The following MBD5 variants were observed in gnomAD, a reference collection of about 807,000 sequenced individuals.
MBD5 encodes the protein methyl-CpG binding domain protein 5.
In MBD5, 13 loss-of-function variants were observed where a neutral mutation model predicts 117.3. The ratio of observed to expected loss-of-function variants is 0.11; its 90% CI spans 0.07 to 0.18. The LOEUF is 0.18. Ranked by LOEUF, MBD5 falls within the 10% of genes least tolerant of loss-of-function variation. The pLI, the probability that MBD5 is intolerant of heterozygous loss-of-function variation, is 1.00. For missense variants in MBD5, 1,879 were observed against 2,093.8 expected (o/e 0.90, Z 2.00); for synonymous variants, 727 against 766.4 (o/e 0.95, Z 0.85).
At chr2:148,241,739 A>G (rs927494344) in intron 3 of MBD5, among the ~76,000 whole-genome samples, 5 of 152,178 alleles carry the variant, frequency 3.3e-5, no homozygotes, top group African/African-American at 1.2e-4. Flanking sequence ...AGAGCCATAT[A>G]AACGTAGAAT....
chr2:148,123,411 G>A (rs1437679474), intron 1 of MBD5, among the ~76,000 whole-genome samples: 2 of 152,170 alleles, frequency 1.3e-5, no homozygotes, highest in African/African-American at 4.8e-5. Flanking sequence ...CAATGGTGGT[G>A]TAAATTTAAC....
intron 2 of MBD5, among the ~76,000 whole-genome samples, chr2:148,209,761 G>A (rs1449448609): frequency 4.6e-5 from 7 of 152,020 alleles, no homozygotes; most frequent in Admixed American, 2.0e-4. Context: ...GGCAAAGCAT[G>A]TCACATGGTG....
chr2:148,501,431 C>T (rs1295279885), intron 11 of MBD5, among the ~76,000 whole-genome samples: 2 of 152,048 alleles, frequency 1.3e-5, no homozygotes, highest in African/African-American at 2.4e-5. Context: ...GGCTTTTGCC[C>T]CAACTGAATA....
At chr2:148,241,618 C>T (rs116017932) in intron 3 of MBD5, among the ~76,000 whole-genome samples, 1,718 of 152,156 alleles carry the variant, frequency 0.011, 14 homozygotes, top group East Asian at 0.034. Flanking sequence ...CCCTGACCCT[C>T]GATTTTCAGC....
intron 4 of MBD5, among the ~76,000 whole-genome samples, chr2:148,430,519 G>A (rs1288258812): frequency 6.6e-6 from 1 of 151,966 alleles, no homozygotes; most frequent in East Asian, 1.9e-4. Flanking sequence ...TTTAGATCTT[G>A]TATATCTTCA....
intron 4 of MBD5, among the ~76,000 whole-genome samples, chr2:148,436,791 A>G (rs1309344142): frequency 2.0e-5 from 3 of 151,990 alleles, no homozygotes; most frequent in Non-Finnish European, 4.4e-5. Flanking sequence ...TATTTTAAAT[A>G]TATTAAATAT....
intron 1 of MBD5, among the ~76,000 whole-genome samples, chr2:148,118,661 A>G (rs899755026): frequency 2.5e-4 from 38 of 152,038 alleles, no homozygotes; most frequent in Non-Finnish European, 5.0e-4. Flanking sequence ...CTCTGTATCC[A>G]TTAGTGATCA....
chr2:148,282,895 A>ACC, intron 3 of MBD5, among the ~76,000 whole-genome samples: 1 of 83,988 alleles, frequency 1.2e-5, no homozygotes, highest in African/African-American at 3.9e-5. Flanking sequence ...TTTAAGACTT[A>ACC]ACCGCCCCCC....
chr2:148,418,709 T>A (rs551703512), intron 4 of MBD5, among the ~76,000 whole-genome samples: 1 of 152,274 alleles, frequency 6.6e-6, no homozygotes, highest in East Asian at 1.9e-4. Context: ...TATAAAACAC[T>A]GTTGAAAGAA....
intron 4 of MBD5, among the ~76,000 whole-genome samples, chr2:148,440,099 T>G (rs549245349): frequency 6.6e-6 from 1 of 152,364 alleles, no homozygotes; most frequent in Admixed American, 6.5e-5. Flanking sequence ...GAATTTTTAC[T>G]AATGAATCTT....
chr2:148,328,478 C>G (rs1702531637), intron 3 of MBD5, among the ~76,000 whole-genome samples: 1 of 152,224 alleles, frequency 6.6e-6, no homozygotes, highest in South Asian at 2.1e-4. Flanking sequence ...GACTGCTGTG[C>G]TAGCAATCAG....
chr2:148,389,677 T>A (rs1273130920), intron 4 of MBD5, among the ~76,000 whole-genome samples: 1 of 152,140 alleles, frequency 6.6e-6, no homozygotes, highest in African/African-American at 2.4e-5. Context: ...ATCTCCCTGA[T>A]GATTAGTGAT....
intron 2 of MBD5, among the ~76,000 whole-genome samples, chr2:148,183,828 A>T (rs1413483511): frequency 6.6e-6 from 1 of 152,162 alleles, no homozygotes; most frequent in African/African-American, 2.4e-5. Context: ...ATATGTCATC[A>T]TAGCCTCATA....
At position 148,485,964 on chromosome 2, in the gene MBD5, C is replaced by T; in HGVS notation, c.3753+14C>T. 1 of 1,609,636 alleles carries T rather than the reference C, an allele frequency of 6.2e-7. No homozygotes were observed. The highest frequency in any genetic ancestry group is 8.5e-7 in the Non-Finnish European group (1 of 1,175,908). ...CAGAACTTTCAGGTACTCTCCTCTG[C>T]TGTGTCATTTTAGAAGAAAACAATG... is the stretch of plus-strand genomic sequence containing the variant. On this transcript the variant is annotated intron_variant, in intron 10 of 13. Coordinates refer to ENST00000642680, the MANE Select transcript of MBD5 (RefSeq NM_001378120.1).
At chr2:148,066,839 C>G (rs1203339699) in intron 1 of MBD5, among the ~76,000 whole-genome samples, 1 of 152,188 alleles carries the variant, frequency 6.6e-6, no homozygotes, top group Non-Finnish European at 1.5e-5. Context: ...GAATGTACTT[C>G]ATTTACCTGC....
chr2:148,488,925 T>G (rs1339274555), intron 10 of MBD5, among the ~76,000 whole-genome samples: 1 of 152,190 alleles, frequency 6.6e-6, no homozygotes, highest in Non-Finnish European at 1.5e-5. Context: ...TTTTTAAAAT[T>G]TTATATTGTA....
chr2:148,364,540 G>C (rs1015847220), intron 4 of MBD5, among the ~76,000 whole-genome samples: 7 of 152,112 alleles, frequency 4.6e-5, no homozygotes, highest in African/African-American at 9.7e-5. Context: ...ATTAGACACA[G>C]GCTGGCAAAT....
chr2:148,042,874 C>T (rs933118739), intron 1 of MBD5, among the ~76,000 whole-genome samples: 3 of 152,042 alleles, frequency 2.0e-5, no homozygotes, highest in African/African-American at 7.3e-5. Flanking sequence ...TTTATTTTTA[C>T]CTGGGATTTA....
chr2:148,106,767 A>C (rs1696382721), intron 1 of MBD5, among the ~76,000 whole-genome samples: 2 of 152,016 alleles, frequency 1.3e-5, no homozygotes, highest in South Asian at 4.1e-4. Context: ...TTATGTGCAT[A>C]CTTTTACTAT....
Sources: gnomAD v4.1 joint callset for allele counts (sites outside exome capture counted in the v4.1 genomes callset) on GRCh38, gnomAD v4.1.1 for gene constraint, MANE v1.5 for transcripts, NCBI Gene and HGNC (gene_info 2026-07-23, HGNC 2026-07-21) for gene names.